TAFA1: variants seen among roughly 807,000 people sequenced by gnomAD.
TAFA1 encodes the protein chemokine-like protein TAFA-1.
In TAFA1, 4 loss-of-function variants were observed where a neutral mutation model predicts 18.5. That is an observed-to-expected ratio of 0.22 (90% CI 0.11 to 0.49). TAFA1 has a LOEUF of 0.49. Ranked by LOEUF, TAFA1 falls within the 20% of genes least tolerant of loss-of-function variation. The pLI is 0.98. For missense variants in TAFA1, 147 were observed against 169.0 expected, an observed-to-expected ratio of 0.87 and a Z score of 0.72; for synonymous variants, 56 against 55.2, an observed-to-expected ratio of 1.01 and a Z score of -0.06.
intron 2 of TAFA1, among the ~76,000 whole-genome samples, chr3:68,362,460 A>G (rs1404214883): frequency 1.3e-5 from 2 of 152,186 alleles, no homozygotes; most frequent in Non-Finnish European, 2.9e-5. Context: ...CAAAAACTAC[A>G]GAGAATCAAG....
intron 2 of TAFA1, among the ~76,000 whole-genome samples, chr3:68,175,142 G>A (rs2066107479): frequency 6.6e-6 from 1 of 151,522 alleles, no homozygotes; most frequent in South Asian, 2.1e-4. Flanking sequence ...TAGTGTAGAT[G>A]TATGGAAACA....
chr3:68,537,012 C>A (rs1575961170), intron 3 of TAFA1, among the ~76,000 whole-genome samples: 1 of 152,104 alleles, frequency 6.6e-6, no homozygotes, highest in South Asian at 2.1e-4. Flanking sequence ...CTTTGAAATT[C>A]TTCAAGGCCC....
At chr3:68,423,243 A>C (rs1374045789) in intron 3 of TAFA1, among the ~76,000 whole-genome samples, 1 of 152,058 alleles carries the variant, frequency 6.6e-6, no homozygotes, top group African/African-American at 2.4e-5. Flanking sequence ...TGTCCCAACT[A>C]CTCTAAGTCT....
intron 2 of TAFA1, among the ~76,000 whole-genome samples, chr3:68,231,140 C>T (rs1479351937): frequency 1.3e-5 from 2 of 151,958 alleles, no homozygotes; most frequent in Non-Finnish European, 2.9e-5. Flanking sequence ...TTGAAAGGTC[C>T]ATCCTTTCCA....
intron 2 of TAFA1, among the ~76,000 whole-genome samples, chr3:68,188,673 A>G (rs1231094596): frequency 1.3e-5 from 2 of 151,780 alleles, no homozygotes; most frequent in African/African-American, 2.4e-5. Flanking sequence ...TGTTTCCATT[A>G]GGTCATTAAG....
intron 2 of TAFA1, among the ~76,000 whole-genome samples, chr3:68,383,702 G>A (rs1329470896): frequency 1.3e-5 from 2 of 152,164 alleles, no homozygotes; most frequent in Non-Finnish European, 2.9e-5. Flanking sequence ...CACATAGAAT[G>A]AGGTAGGGAG....
chr3:68,301,434 G>C (rs1227301315), intron 2 of TAFA1, among the ~76,000 whole-genome samples: 1 of 152,008 alleles, frequency 6.6e-6, no homozygotes, highest in African/African-American at 2.4e-5. Flanking sequence ...AGCAATCTTT[G>C]AGTGGTTTTT....
chr3:68,100,560 C>T (rs2065135937), intron 2 of TAFA1, among the ~76,000 whole-genome samples: 1 of 152,176 alleles, frequency 6.6e-6, no homozygotes, highest in African/African-American at 2.4e-5. Flanking sequence ...GTCAATACGT[C>T]TTTCATGCAT....
chr3:68,238,855 A>T (rs1302572887), intron 2 of TAFA1, among the ~76,000 whole-genome samples: 1 of 152,172 alleles, frequency 6.6e-6, no homozygotes, highest in East Asian at 1.9e-4. Context: ...GAGTATTTAA[A>T]CCCATAGTTT....
intron 2 of TAFA1, among the ~76,000 whole-genome samples, chr3:68,254,111 A>AT (rs577427519): frequency 2.0e-3 from 255 of 128,522 alleles, no homozygotes; most frequent in Admixed American, 3.5e-3. Flanking sequence ...CTGTCTATGT[A>AT]TGTATGTATG....
intron 2 of TAFA1, among the ~76,000 whole-genome samples, chr3:68,148,289 A>C (rs191870953): frequency 1.3e-4 from 20 of 152,340 alleles, no homozygotes; most frequent in Middle Eastern, 3.4e-3. Flanking sequence ...GTAGCATAGC[A>C]GTCTGTATTT....
At chr3:68,314,911 T>C (rs1431975620) in intron 2 of TAFA1, among the ~76,000 whole-genome samples, 2 of 149,078 alleles carry the variant, frequency 1.3e-5, no homozygotes, top group Non-Finnish European at 3.0e-5. Context: ...TATTGATATA[T>C]TCTTATAAAT....
chr3:68,257,338 A>T lies in TAFA1; in HGVS notation c.119-159942A>T, dbSNP rs544544482. 3.3e-5 allele frequency among the ~76,000 whole-genome samples: 5 copies of T among 152,050 alleles called. No homozygotes were observed. In the East Asian group the frequency reaches 9.7e-4, roughly 29 times the overall value. ...GCATACTGACCTTTTCCTTTGTATA[A>T]CTTATTATAATTTGTGGTGTCATGT... is the stretch of plus-strand genomic sequence containing the variant. On this transcript the variant is annotated intron_variant, in intron 2 of 4. Transcript: ENST00000478136.
At chr3:68,047,254 T>G (rs6792324) in intron 2 of TAFA1, among the ~76,000 whole-genome samples, 1 of 152,074 alleles carries the variant, frequency 6.6e-6, no homozygotes, top group African/African-American at 2.4e-5. Flanking sequence ...ATACAGATTC[T>G]AAATATCCTT....
Position 68,241,137 on chromosome 3 carries a change from G to A in TAFA1, c.119-176143G>A, listed in dbSNP as rs532957940. Among the ~76,000 whole-genome samples the A allele has an allele frequency of 3.3e-5, 5 of 152,006 alleles. No homozygotes were observed. The South Asian group carries it at 6.2e-4, about 19-fold the overall frequency. On this transcript the variant is annotated intron_variant, in intron 2 of 4. Transcript: ENST00000478136. ...CACAGTGGTTAGGTCAGTTATCTGC[G>A]GTTATAAGAAAAAAATTAGGGTTGC...
intron 2 of TAFA1, among the ~76,000 whole-genome samples, chr3:68,307,602 CT>C (rs78108203): frequency 0.026 from 3,934 of 152,016 alleles, 91 homozygotes; most frequent in East Asian, 0.098. Flanking sequence ...TTTGCCTCTA[CT>C]TTTTTTTGGA....
chr3:68,419,723 T>C (rs1035489143), intron 3 of TAFA1, among the ~76,000 whole-genome samples: 1 of 152,140 alleles, frequency 6.6e-6, no homozygotes, highest in African/African-American at 2.4e-5. Flanking sequence ...AAGGACAACC[T>C]CTAGATCGAT....
Position 68,497,249 on chromosome 3 carries a change from C to G in TAFA1, c.260-41507C>G, listed in dbSNP as rs147009156. ...TCTAAGAATTAACCCAACTTTAATT[C>G]TTTAACATATGTCCACTCATTCATT... On this transcript the variant is annotated intron_variant, in intron 3 of 4. Transcript: ENST00000478136. Among the ~76,000 whole-genome samples the G allele has an allele frequency of 6.2e-3, 949 of 152,212 alleles. 12 individuals carry two copies. Among genetic ancestry groups the G allele is most frequent in the African/African-American group, 0.021 (878 of 41,514 alleles).
At chr3:68,076,122 A>AT (rs1213601110) in intron 2 of TAFA1, among the ~76,000 whole-genome samples, 1 of 152,164 alleles carries the variant, frequency 6.6e-6, no homozygotes, top group Non-Finnish European at 1.5e-5. Context: ...TTATTTAAGC[A>AT]TTCTTGGTGA....
Sources: gnomAD v4.1 joint callset for allele counts (sites outside exome capture counted in the v4.1 genomes callset) on GRCh38, gnomAD v4.1.1 for gene constraint, MANE v1.5 for transcripts, NCBI Gene and HGNC (gene_info 2026-07-23, HGNC 2026-07-21) for gene names.